The following CDH8 variants were observed in gnomAD, a reference collection of about 807,000 sequenced individuals.
The protein encoded by CDH8 is cadherin 8.
In CDH8, 17 loss-of-function variants were observed where a neutral mutation model predicts 68.1. The observed-to-expected ratio is 0.25, with a 90% CI of 0.17 to 0.37. The LOEUF is 0.37. Among genes scored for constraint, CDH8 ranks in the 10% least tolerant of loss-of-function variants. The probability of loss-of-function intolerance (pLI) is 1.00; values close to 1 mark genes in which losing one functional copy is unlikely to be tolerated. For missense variants in CDH8, 763 were observed against 999.3 expected, an observed-to-expected ratio of 0.76 and a Z score of 3.19; for synonymous variants, 372 against 365.1, an observed-to-expected ratio of 1.02 and a Z score of -0.21.
intron 7 of CDH8, among the ~76,000 whole-genome samples, chr16:61,794,458 T>A (rs1961452065): frequency 6.6e-6 from 1 of 152,098 alleles, no homozygotes; most frequent in African/African-American, 2.4e-5. Context: ...ATTAAGGGTC[T>A]GACACCAAAA....
chr16:61,798,680 A>G (rs1049242924), intron 7 of CDH8, among the ~76,000 whole-genome samples: 4 of 152,192 alleles, frequency 2.6e-5, no homozygotes, highest in African/African-American at 9.6e-5. Context: ...TACTCAAGTT[A>G]GAGATGATGG....
intron 10 of CDH8, among the ~76,000 whole-genome samples, chr16:61,703,394 G>A (rs12926389): frequency 0.017 from 2,561 of 152,052 alleles, 25 homozygotes; most frequent in Non-Finnish European, 0.03. Context: ...TTAGATAATT[G>A]TCTCTTACCC....
chr16:61,992,068 G>GTA (rs1965733206), intron 2 of CDH8, among the ~76,000 whole-genome samples: 1 of 137,472 alleles, frequency 7.3e-6, no homozygotes, highest in African/African-American at 2.6e-5. Context: ...GTGTGTGTGT[G>GTA]TGTGTGTGTG....
At chr16:61,809,902 C>T (rs543750768) in intron 7 of CDH8, among the ~76,000 whole-genome samples, 45 of 152,286 alleles carry the variant, frequency 3.0e-4, no homozygotes, top group Non-Finnish European at 6.0e-4. Flanking sequence ...CAAAGTGACC[C>T]GGTCACCCTA....
intron 8 of CDH8, among the ~76,000 whole-genome samples, chr16:61,747,654 G>A (rs958613737): frequency 1.3e-5 from 2 of 151,790 alleles, no homozygotes; most frequent in African/African-American, 2.4e-5. Context: ...AGAAAAACCT[G>A]CTAGAGGTTT....
At chr16:61,832,936 TC>T (rs1405342262) in intron 4 of CDH8, among the ~76,000 whole-genome samples, 11 of 151,476 alleles carry the variant, frequency 7.3e-5, no homozygotes, top group Non-Finnish European at 1.5e-4. Context: ...ACTGGAATTG[TC>T]CCCCCCTTTT....
chr16:61,988,347 T>C (rs985577668), intron 2 of CDH8, among the ~76,000 whole-genome samples: 1 of 152,212 alleles, frequency 6.6e-6, no homozygotes, highest in Admixed American at 6.5e-5. Context: ...AACAGAACTA[T>C]AGTCAGGGAC....
chr16:62,011,996 C>A (rs142093292), intron 2 of CDH8, among the ~76,000 whole-genome samples: 49 of 152,172 alleles, frequency 3.2e-4, no homozygotes, highest in African/African-American at 1.1e-3. Context: ...TGTGGATGAC[C>A]AAATTAGGCC....
At chr16:62,012,344 T>C (rs895905999) in intron 2 of CDH8, among the ~76,000 whole-genome samples, 6 of 152,226 alleles carry the variant, frequency 3.9e-5, no homozygotes, top group South Asian at 2.1e-4. Flanking sequence ...TCCATAGTTA[T>C]GGAACTTGTT....
At chr16:61,740,435 T>C (rs942054889) in intron 8 of CDH8, among the ~76,000 whole-genome samples, 1 of 152,140 alleles carries the variant, frequency 6.6e-6, no homozygotes, top group Non-Finnish European at 1.5e-5. Flanking sequence ...ATGAAAAGCA[T>C]ATAAATGTTA....
chr16:62,022,061 T>C (rs1470468119), intron 1 of CDH8, among the ~76,000 whole-genome samples: 1 of 152,182 alleles, frequency 6.6e-6, no homozygotes, highest in Non-Finnish European at 1.5e-5. Context: ...TCTTTCACTT[T>C]TTTTTTACCT....
At chr16:61,943,977 G>C (rs1337792621) in intron 2 of CDH8, among the ~76,000 whole-genome samples, 1 of 152,182 alleles carries the variant, frequency 6.6e-6, no homozygotes, top group Non-Finnish European at 1.5e-5. Flanking sequence ...GACAGAAGTA[G>C]ATAAAGCACA....
chr16:61,876,444 T>C (rs952728351), intron 3 of CDH8, among the ~76,000 whole-genome samples: 1 of 152,108 alleles, frequency 6.6e-6, no homozygotes, highest in African/African-American at 2.4e-5. Flanking sequence ...CTCCTTCCCA[T>C]TCATTATAAA....
In CDH8 at chr16:61,959,954, T is replaced by C. The variant is rs1409793213; in HGVS notation, c.253-58481A>G. Reference sequence around the variant, plus strand: ...TGGTCATTATACCTTAACAAATCTTTCTCTGTATGTGGTGTATGTGTGTGT... The same window carrying C: ...TGGTCATTATACCTTAACAAATCTTCCTCTGTATGTGGTGTATGTGTGTGT... On this transcript the variant is annotated intron_variant, in intron 2 of 11. Transcript: ENST00000577390. 1.5e-5 allele frequency among the ~76,000 whole-genome samples: 2 copies of C among 135,216 alleles called. 1 individual carries two copies. The highest frequency in any genetic ancestry group is 1.5e-4 in the Admixed American group (2 of 13,292). 88.7% of individuals were successfully genotyped at this position (135,216 alleles called of 152,430 possible).
chr16:61,963,854 T>C (rs938805682), intron 2 of CDH8, among the ~76,000 whole-genome samples: 2 of 152,212 alleles, frequency 1.3e-5, no homozygotes, highest in Non-Finnish European at 2.9e-5. Flanking sequence ...AAACACACTT[T>C]TAAGTTTGTT....
At chr16:61,711,672 T>A (rs1483651002) in intron 10 of CDH8, 1 of 151,550 alleles carries the variant, frequency 6.6e-6, no homozygotes, top group Non-Finnish European at 1.5e-5. Flanking sequence ...GAACATAGAG[T>A]ATAAACTTTA....
intron 2 of CDH8, among the ~76,000 whole-genome samples, chr16:61,971,279 C>A (rs1328470354): frequency 6.6e-6 from 1 of 152,096 alleles, no homozygotes; most frequent in Non-Finnish European, 1.5e-5. Context: ...TGCATGAACG[C>A]CCCCACTTCA....
chr16:61,793,571 A>C (rs1013332898), intron 7 of CDH8, among the ~76,000 whole-genome samples: 6 of 152,064 alleles, frequency 3.9e-5, no homozygotes, highest in Non-Finnish European at 8.8e-5. Context: ...TGTCCCTGCA[A>C]AGGACATGAT....
At chr16:61,968,092 A>T (rs1412694799) in intron 2 of CDH8, among the ~76,000 whole-genome samples, 1 of 152,176 alleles carries the variant, frequency 6.6e-6, no homozygotes, top group Non-Finnish European at 1.5e-5. Flanking sequence ...TTACATAAGC[A>T]ACCGGGCTGG....
Sources: gnomAD v4.1 joint callset for allele counts (sites outside exome capture counted in the v4.1 genomes callset) on GRCh38, gnomAD v4.1.1 for gene constraint, MANE v1.5 for transcripts, NCBI Gene and HGNC (gene_info 2026-07-23, HGNC 2026-07-21) for gene names.